MYO18B: variants seen among roughly 807,000 people sequenced by gnomAD.
MYO18B encodes the protein unconventional myosin-XVIIIb.
In MYO18B, 204 loss-of-function variants were observed where a neutral mutation model predicts 273.0. The ratio of observed to expected loss-of-function variants is 0.75; its 90% CI spans 0.67 to 0.84. The LOEUF (loss-of-function observed/expected upper bound fraction) is 0.84. MYO18B is among the 40% of genes least tolerant of loss of function. The pLI is 0.00. For missense variants in MYO18B, 3,212 were observed against 3,287.6 expected, an observed-to-expected ratio of 0.98 and a Z score of 0.56; for synonymous variants, 1,330 against 1,305.7, an observed-to-expected ratio of 1.02 and a Z score of -0.40.
intron 22 of MYO18B, among the ~76,000 whole-genome samples, chr22:25,868,915 C>A (rs761626563): frequency 4.5e-4 from 69 of 152,314 alleles, no homozygotes; most frequent in Admixed American, 7.8e-4. Flanking sequence ...ATGTTTAGAA[C>A]AGAATTTCAC....
chr22:26,047,175 G>A, the MYO18B span, among the ~76,000 whole-genome samples: 2 of 149,146 alleles, frequency 1.3e-5, no homozygotes, highest in Admixed American at 6.7e-5. Flanking sequence ...CACCCAGGCT[G>A]GAGTGTAGTG....
intron 11 of MYO18B, among the ~76,000 whole-genome samples, chr22:25,793,503 CA>C: frequency 6.6e-6 from 1 of 152,240 alleles, no homozygotes; most frequent in African/African-American, 2.4e-5. Flanking sequence ...CCTCTCAAAG[CA>C]CTAGGATGAC....
Position 25,768,441 on chromosome 22 carries a change from C to A in MYO18B, c.525C>A (p.Ala175=), listed in dbSNP as rs575271363. The A allele has an allele frequency of 1.7e-5, 23 of 1,366,304 alleles. No homozygotes were observed. The highest frequency in any genetic ancestry group is 2.3e-5 in the East Asian group (1 of 44,002). 84.6% of individuals were successfully genotyped at this position (1,366,304 alleles called of 1,614,324 possible). Residue 175 remains alanine, a synonymous_variant, in exon 4 of 44, where the codon GCC becomes GCA. Coordinates refer to ENST00000335473, the MANE Select transcript of MYO18B (RefSeq NM_032608.7). ...CAGAGAAGACTCATCCCCATGACGC[C>A]CCCCCTTGCAAGACCTCTCCCCCCG... The part of the protein sequence containing the change: ...AKPEKTHPHD[A]PPCKTSPPAT...
At chr22:25,935,907 A>C (rs1187734818) in intron 34 of MYO18B, among the ~76,000 whole-genome samples, 1 of 152,228 alleles carries the variant, frequency 6.6e-6, no homozygotes, top group Non-Finnish European at 1.5e-5. Flanking sequence ...CATGCAGTGC[A>C]GACAGGCTAC....
At chr22:25,818,254 C>T (rs2089125136) in intron 12 of MYO18B, among the ~76,000 whole-genome samples, 1 of 152,208 alleles carries the variant, frequency 6.6e-6, no homozygotes, top group Non-Finnish European at 1.5e-5. Context: ...CTCTGTTTCT[C>T]TCTCTCTGCC....
intron 34 of MYO18B, among the ~76,000 whole-genome samples, chr22:25,945,703 TCTCCCCTCGCCTCCC>T (rs1323341037): frequency 6.0e-5 from 2 of 33,112 alleles, no homozygotes; most frequent in East Asian, 2.3e-3. Context: ...TCGCCTCCCC[TCTCCCCTCGCCTCCC>T]CTCCCCTCCC....
Position 25,910,964 on chromosome 22 carries a change from C to A in MYO18B, c.5278C>A (p.Gln1760Lys), listed in dbSNP as rs779801493. 3.8e-6 allele frequency: 6 copies of A among 1,596,480 alleles called. No homozygotes were observed. In the African/African-American group the frequency reaches 6.7e-5, roughly 18 times the overall value. The change falls in exon 33 of 44, where the codon CAG becomes AAG. Residue 1760 changes from glutamine (Q) to lysine (K), a missense_variant. Transcript: ENST00000335473. The stretch of plus-strand genomic sequence containing the variant: ...TCCACAGCTTCATCAGCTGGAAATG[C>A]AGCTGGAGCAAGAGTATGAAGAGAA... Reference protein sequence around the residue: ...CQKRLHQLEMQLEQEYEEKQM... With the variant: ...CQKRLHQLEMKLEQEYEEKQM...
At chr22:25,944,473 G>A (rs1178144702) in intron 34 of MYO18B, among the ~76,000 whole-genome samples, 2 of 152,122 alleles carry the variant, frequency 1.3e-5, no homozygotes, top group Admixed American at 1.3e-4. Context: ...GGGATAAGAG[G>A]GCCAACGGGA....
chr22:25,812,609 C>T (rs1349123700), intron 12 of MYO18B, among the ~76,000 whole-genome samples: 2 of 152,206 alleles, frequency 1.3e-5, no homozygotes, highest in Non-Finnish European at 2.9e-5. Flanking sequence ...GGTGGCTTCT[C>T]TGTGCAGAGG....
chr22:25,983,679 C>T (rs1030701677), intron 39 of MYO18B, among the ~76,000 whole-genome samples: 2 of 152,244 alleles, frequency 1.3e-5, no homozygotes, highest in Non-Finnish European at 2.9e-5. Context: ...CAGTGATGGA[C>T]ACCTGAAGGT....
Position 25,874,301 on chromosome 22 carries a change from G to T in MYO18B, c.3967G>T (p.Gly1323Cys). ...CTCTCCCCAGGTTTTTCTCAAGGCA[G>T]GTGTGATCTCCAGGCTTGAGAAGCA... The part of the protein sequence containing the change: ...VGHSQVFLKA[G>C]VISRLEKQRE... Residue 1323 changes from glycine to cysteine, a missense_variant, in exon 23 of 44, where the codon GGT (glycine) becomes TGT (cysteine). Coordinates refer to ENST00000335473, the MANE Select transcript of MYO18B (RefSeq NM_032608.7). 6.2e-7 allele frequency: 1 copy of T among 1,613,960 alleles called. No individual in the cohort carries two copies. Among genetic ancestry groups the T allele is most frequent in the Non-Finnish European group, 8.5e-7 (1 of 1,179,874 alleles).
chr22:25,808,088 C>G (rs566684127), intron 12 of MYO18B, among the ~76,000 whole-genome samples: 28 of 152,222 alleles, frequency 1.8e-4, no homozygotes, highest in African/African-American at 6.7e-4. Context: ...TGTTTTATTA[C>G]CAGTGCCCCC....
the MYO18B span, among the ~76,000 whole-genome samples, chr22:26,037,509 C>T: frequency 3.9e-5 from 6 of 152,200 alleles, no homozygotes; most frequent in Non-Finnish European, 8.8e-5. Flanking sequence ...AGTCCCAGGC[C>T]TGGTTGTCCG....
chr22:25,970,824 C>CA (rs1357910173), intron 39 of MYO18B, among the ~76,000 whole-genome samples: 1 of 146,122 alleles, frequency 6.8e-6, no homozygotes, highest in Non-Finnish European at 1.5e-5. Context: ...GAGACTTAAA[C>CA]ACTCAGGGGG....
At chr22:25,904,039 A>C (rs1218176651) in intron 31 of MYO18B, among the ~76,000 whole-genome samples, 1 of 152,182 alleles carries the variant, frequency 6.6e-6, no homozygotes, top group Non-Finnish European at 1.5e-5. Context: ...TCACCTCCTC[A>C]GAGAAGCCTG....
intron 12 of MYO18B, 28 bp from the exon 13 acceptor site, chr22:25,823,477 C>T: frequency 6.2e-7 from 1 of 1,607,920 alleles, no homozygotes; most frequent in Non-Finnish European, 8.5e-7. Flanking sequence ...GGCCTCACTG[C>T]CACGCCTCTG....
chr22:25,799,046 CT>C (rs1246048752), intron 12 of MYO18B, among the ~76,000 whole-genome samples: 6 of 152,104 alleles, frequency 3.9e-5, no homozygotes, highest in Non-Finnish European at 8.8e-5. Flanking sequence ...CAATCATTCA[CT>C]ATGTTCCAGA....
At chr22:25,976,201 G>A (rs746409729) in intron 39 of MYO18B, among the ~76,000 whole-genome samples, 1 of 152,126 alleles carries the variant, frequency 6.6e-6, no homozygotes, top group Non-Finnish European at 1.5e-5. Context: ...CACTCACAAA[G>A]AATTATCTGC....
intron 7 of MYO18B, among the ~76,000 whole-genome samples, chr22:25,773,557 G>A (rs972009129): frequency 8.5e-5 from 13 of 152,106 alleles, no homozygotes; most frequent in African/African-American, 4.8e-5. Flanking sequence ...GCCGCCTCCC[G>A]GGTTCACGCC....
Sources: gnomAD v4.1 joint callset for allele counts (sites outside exome capture counted in the v4.1 genomes callset) on GRCh38, gnomAD v4.1.1 for gene constraint, MANE v1.5 for transcripts, NCBI Gene and HGNC (gene_info 2026-07-23, HGNC 2026-07-21) for gene names.